SVEP1: variants seen among roughly 807,000 people sequenced by gnomAD.
SVEP1 encodes the protein sushi, von Willebrand factor type A, EGF and pentraxin domain containing 1.
A neutral mutation model predicts 367.3 loss-of-function variants in SVEP1; 164 were observed. The ratio of observed to expected loss-of-function variants is 0.45; its 90% CI spans 0.39 to 0.51. The LOEUF (loss-of-function observed/expected upper bound fraction) is 0.51, where lower values mean the gene tolerates loss of function less well. Among genes scored for constraint, SVEP1 ranks in the 20% least tolerant of loss-of-function variants. SVEP1 has a pLI of 0.00. For synonymous variants in SVEP1, 1,666 were observed against 1,611.6 expected (o/e 1.03, Z -0.81); for missense variants, 4,117 against 4,425.3 (o/e 0.93, Z 1.98).
intron 36 of SVEP1, among the ~76,000 whole-genome samples, chr9:110,424,428 AATAT>A (rs1342345614): frequency 6.6e-6 from 1 of 152,242 alleles, no homozygotes; most frequent in Non-Finnish European, 1.5e-5. Flanking sequence ...CAAAAATTAA[AATAT>A]ATAAATTAAT....
chr9:110,438,723 A>C (rs1828469205), intron 27 of SVEP1, among the ~76,000 whole-genome samples: 2 of 152,194 alleles, frequency 1.3e-5, no homozygotes, highest in Admixed American at 1.3e-4. Context: ...TTGCAGGCAA[A>C]GAATTTCTCT....
intron 1 of SVEP1, among the ~76,000 whole-genome samples, chr9:110,571,530 C>A (rs191800144): frequency 6.6e-6 from 1 of 152,280 alleles, no homozygotes; most frequent in Non-Finnish European, 1.5e-5. Flanking sequence ...AAAGAGGGAA[C>A]TAGATCCCAG....
Position 110,465,931 on chromosome 9 carries a change from AG to A in SVEP1, c.3255del (p.Cys1086AlafsTer11), listed in dbSNP as rs1828929923. The A allele has an allele frequency of 2.5e-6, 4 of 1,612,876 alleles. No homozygotes were observed. The highest frequency in any genetic ancestry group is 3.4e-6 in the Non-Finnish European group (4 of 1,179,460). On this transcript the variant is annotated frameshift_variant, in exon 18 of 48. Coordinates refer to ENST00000374469, the MANE Select transcript of SVEP1 (RefSeq NM_153366.4). LOFTEE classifies it high-confidence loss of function. The part of the protein sequence containing the change: ...GTYQPKFGSR[S>X]CLSCPENTST... ...GAGGTGTTTTCTGGACACGAGAGGC[AG>A]CTCCGGGAACCAAATTTTGGCTGAT...
chr9:110,549,248 T>C (rs565617128), intron 2 of SVEP1, among the ~76,000 whole-genome samples: 1 of 152,170 alleles, frequency 6.6e-6, no homozygotes, highest in South Asian at 2.1e-4. Flanking sequence ...AATGTATAAT[T>C]ATGATTTAAT....
At chr9:110,498,980 C>T in intron 7 of SVEP1, 61 bp downstream of exon 7, 4 of 1,471,572 alleles carry the variant, frequency 2.7e-6, no homozygotes, top group Non-Finnish European at 3.7e-6. Flanking sequence ...TTGTCCTATA[C>T]TGCACCCATA....
At chr9:110,458,588 C>G (rs1188406483) in intron 19 of SVEP1, 26 bp from the exon 20 acceptor site, 1 of 1,586,398 alleles carries the variant, frequency 6.3e-7, no homozygotes, top group Non-Finnish European at 8.6e-7. Context: ...AAAAACATGT[C>G]AGTGTGGCAA....
chr9:110,530,572 T>C (rs1196121567), intron 3 of SVEP1, among the ~76,000 whole-genome samples: 3 of 152,214 alleles, frequency 2.0e-5, no homozygotes, highest in Non-Finnish European at 2.9e-5. Flanking sequence ...GGTCTTGCTC[T>C]GTTGCTCAGG....
intron 21 of SVEP1, 129 bp from the exon 22 acceptor site, chr9:110,455,832 C>A: frequency 2.0e-6 from 1 of 506,520 alleles, no homozygotes; most frequent in Non-Finnish European, 3.4e-6. Context: ...GGGTAATATT[C>A]ATTAAGTGCT....
rs542025372 is a variant in SVEP1 at position 110,566,674 on chromosome 9, A to T, written c.531+12339T>A. 3.3e-5 allele frequency among the ~76,000 whole-genome samples: 5 copies of T among 152,354 alleles called. No homozygotes were observed. In the South Asian group the frequency reaches 1.0e-3, roughly 32 times the overall value. ...CCACACAACTCCACCTGAGCCAAAAAGTAGGTGGTAATGCTTTTGGCAGAA... is the reference window on the plus strand; with the variant it reads ...CCACACAACTCCACCTGAGCCAAAATGTAGGTGGTAATGCTTTTGGCAGAA... On this transcript the variant is annotated intron_variant, in intron 1 of 47. Coordinates refer to ENST00000374469, the MANE Select transcript of SVEP1 (RefSeq NM_153366.4).
intron 2 of SVEP1, among the ~76,000 whole-genome samples, chr9:110,547,791 G>A (rs1228358999): frequency 6.6e-6 from 1 of 152,136 alleles, no homozygotes; most frequent in Non-Finnish European, 1.5e-5. Flanking sequence ...CACAGAGGCA[G>A]GGGAAATGAG....
At chr9:110,507,610 G>C (rs569422510) in intron 5 of SVEP1, among the ~76,000 whole-genome samples, 1 of 152,132 alleles carries the variant, frequency 6.6e-6, no homozygotes, top group Non-Finnish European at 1.5e-5. Flanking sequence ...AAAATGATCC[G>C]AAACATTTTG....
intron 3 of SVEP1, among the ~76,000 whole-genome samples, chr9:110,535,956 T>G (rs972133313): frequency 1.1e-4 from 16 of 152,090 alleles, no homozygotes; most frequent in African/African-American, 3.9e-4. Context: ...TGTCCTTTAT[T>G]TCTTTCTGTT....
intron 37 of SVEP1, 112 bp from the exon 38 acceptor site, chr9:110,409,063 T>A: frequency 1.7e-6 from 2 of 1,176,198 alleles, no homozygotes; most frequent in Non-Finnish European, 2.3e-6. Context: ...ATGAATCAAT[T>A]AGGAAGTAAG....
At chr9:110,480,613 C>A (rs901595371) in intron 12 of SVEP1, among the ~76,000 whole-genome samples, 3 of 152,036 alleles carry the variant, frequency 2.0e-5, no homozygotes, top group African/African-American at 7.2e-5. Flanking sequence ...AGTAGCTCTT[C>A]TGCACACTAT....
At chr9:110,459,790 T>G (rs1394863419) in intron 18 of SVEP1, among the ~76,000 whole-genome samples, 6 of 152,148 alleles carry the variant, frequency 3.9e-5, no homozygotes, top group Admixed American at 6.5e-5. Context: ...ATTAAATTTT[T>G]TTTCCAATTT....
intron 4 of SVEP1, 102 bp downstream of exon 4, chr9:110,513,846 C>G: frequency 7.5e-7 from 1 of 1,327,844 alleles, no homozygotes; most frequent in Non-Finnish European, 1.0e-6. Context: ...GAGAAAAGAA[C>G]ATTAAAGATC....
intron 27 of SVEP1, among the ~76,000 whole-genome samples, chr9:110,438,094 A>G (rs1350471111): frequency 6.6e-6 from 1 of 151,492 alleles, no homozygotes; most frequent in Non-Finnish European, 1.5e-5. Flanking sequence ...GTATCATACT[A>G]TACAGAATGT....
chr9:110,449,840 A>C (rs903637705), intron 24 of SVEP1, among the ~76,000 whole-genome samples: 2 of 152,228 alleles, frequency 1.3e-5, no homozygotes, highest in Non-Finnish European at 2.9e-5. Flanking sequence ...TCATTGGGAA[A>C]CTTAAGCCAT....
At chr9:110,423,786 T>A (rs1170620640) in intron 36 of SVEP1, among the ~76,000 whole-genome samples, 1 of 150,068 alleles carries the variant, frequency 6.7e-6, no homozygotes, top group Non-Finnish European at 1.5e-5. Context: ...AAAATATAAG[T>A]CAATATGAAA....
Sources: gnomAD v4.1 joint callset for allele counts (sites outside exome capture counted in the v4.1 genomes callset) on GRCh38, gnomAD v4.1.1 for gene constraint, MANE v1.5 for transcripts, NCBI Gene and HGNC (gene_info 2026-07-23, HGNC 2026-07-21) for gene names.